The following TENM3 variants were observed in gnomAD, a reference collection of about 807,000 sequenced individuals.
The protein encoded by TENM3 is teneurin transmembrane protein 3.
Under a neutral mutation model 255.1 loss-of-function variants are expected in TENM3, and 63 were observed. That is an observed-to-expected ratio of 0.25 (90% confidence interval 0.20 to 0.30). TENM3 has a LOEUF of 0.30. Ranked by LOEUF, TENM3 falls within the 10% of genes least tolerant of loss-of-function variation. TENM3 has a pLI of 1.00. For missense variants in TENM3, 2,929 were observed against 3,461.1 expected (o/e 0.85, Z 3.86); for synonymous variants, 1,306 against 1,322.3 (o/e 0.99, Z 0.27).
chr4:182,432,544 G>A (rs1771738068), intron 3 of TENM3, among the ~76,000 whole-genome samples: 1 of 152,170 alleles, frequency 6.6e-6, no homozygotes, highest in South Asian at 2.1e-4. Context: ...TTCATACAGT[G>A]AATATATACA....
At chr4:182,550,247 T>C (rs2151928324) in intron 3 of TENM3, among the ~76,000 whole-genome samples, 1 of 152,356 alleles carries the variant, frequency 6.6e-6, no homozygotes, top group East Asian at 1.9e-4. Flanking sequence ...TACGTTGATT[T>C]ACAAATTTAA....
At chr4:182,086,102 T>TG in the TENM3 span, among the ~76,000 whole-genome samples, 1 of 152,152 alleles carries the variant, frequency 6.6e-6, no homozygotes, top group African/African-American at 2.4e-5. Flanking sequence ...TTGTTGGTTT[T>TG]GGGGGGACTA....
At chr4:182,632,661 T>G (rs1001432709) in intron 5 of TENM3, among the ~76,000 whole-genome samples, 2 of 152,168 alleles carry the variant, frequency 1.3e-5, no homozygotes, top group Admixed American at 1.3e-4. Context: ...TCACATGTTA[T>G]GTACTTCTCC....
chr4:182,630,310 T>C (rs114563134), intron 5 of TENM3, among the ~76,000 whole-genome samples: 1,796 of 152,252 alleles, frequency 0.012, 35 homozygotes, highest in African/African-American at 0.041. Flanking sequence ...AAAATCAATA[T>C]TCCAGAGACA....
intron 3 of TENM3, among the ~76,000 whole-genome samples, chr4:182,522,230 G>A (rs7655468): frequency 0.31 from 46,929 of 151,918 alleles, 7,592 homozygotes; most frequent in South Asian, 0.38. Context: ...AATATACAGT[G>A]AATTATTATT....
chr4:181,936,052 C>T, the TENM3 span, among the ~76,000 whole-genome samples: 5 of 152,178 alleles, frequency 3.3e-5, no homozygotes, highest in Non-Finnish European at 2.9e-5. Context: ...ATATTTATTA[C>T]GGGATTAATG....
intron 10 of TENM3, 48 bp from the exon 11 acceptor site, chr4:182,681,766 C>T: frequency 7.2e-7 from 1 of 1,393,740 alleles, no homozygotes; most frequent in Non-Finnish European, 9.9e-7. Context: ...TCTGCATGCA[C>T]TATGATATCT....
At chr4:181,786,966 T>C in the TENM3 span, among the ~76,000 whole-genome samples, 1 of 152,192 alleles carries the variant, frequency 6.6e-6, no homozygotes, top group African/African-American at 2.4e-5. Flanking sequence ...TCTCTAGGTA[T>C]TAAGGAATGT....
chr4:182,125,599 T>C, the TENM3 span, among the ~76,000 whole-genome samples: 7 of 152,230 alleles, frequency 4.6e-5, no homozygotes, highest in South Asian at 6.2e-4. Context: ...AAAACTTTCA[T>C]TGGATTTAAA....
In TENM3 at chr4:182,799,445, C is replaced by T. The variant is rs1766735526; in HGVS notation, c.7345-151C>T. Reference sequence around the variant, plus strand: ...TGAGGGGGAGGGATCTCGAGTGCTCCCTCCACCCGGGCTGTCAGCCTTCTG... The same window carrying T: ...TGAGGGGGAGGGATCTCGAGTGCTCTCTCCACCCGGGCTGTCAGCCTTCTG... On this transcript the variant is annotated intron_variant, in intron 27 of 27. Transcript: ENST00000511685. This position sits in a 1 kb window ranked among gnomAD's most constrained non-coding sequence, Gnocchi z 4.2. 5.1e-6 allele frequency: 5 copies of T among 972,156 alleles called. No individual in the cohort carries two copies. In the South Asian group the frequency reaches 5.5e-5, roughly 11 times the overall value. 60.2% of individuals were successfully genotyped at this position (972,156 alleles called of 1,614,324 possible).
the TENM3 span, among the ~76,000 whole-genome samples, chr4:181,667,991 G>T: frequency 6.6e-6 from 1 of 152,168 alleles, no homozygotes; most frequent in Admixed American, 6.5e-5. Flanking sequence ...TGACGAAATA[G>T]TTCTACTGAG....
At chr4:181,920,858 C>T in the TENM3 span, among the ~76,000 whole-genome samples, 26 of 151,914 alleles carry the variant, frequency 1.7e-4, no homozygotes, top group East Asian at 7.7e-4. Context: ...AGGGTTTTTA[C>T]GGTTTTAGGT....
At chr4:182,153,356 C>T (rs1029996254) in intron 1 of TENM3, among the ~76,000 whole-genome samples, 6 of 151,980 alleles carry the variant, frequency 3.9e-5, no homozygotes, top group Non-Finnish European at 7.4e-5. Context: ...ATGAATGATA[C>T]ATCTTTAGTC....
At chr4:182,738,273 G>T (rs1304518955) in intron 17 of TENM3, 128 bp from the exon 18 acceptor site, 2 of 723,824 alleles carry the variant, frequency 2.8e-6, no homozygotes, top group Non-Finnish European at 4.3e-6. Context: ...AAAATAAACT[G>T]CTCATAAATA....
At chr4:181,580,000 TTTTA>T in the TENM3 span, among the ~76,000 whole-genome samples, 2 of 127,518 alleles carry the variant, frequency 1.6e-5, no homozygotes, top group Non-Finnish European at 1.7e-5. Context: ...TTTTATTTTA[TTTTA>T]TTTATTTTTT....
the TENM3 span, among the ~76,000 whole-genome samples, chr4:181,970,429 A>G: frequency 6.6e-6 from 1 of 152,160 alleles, no homozygotes; most frequent in African/African-American, 2.4e-5. Context: ...TATCCCAACT[A>G]TCAAGATAAA....
chr4:181,514,904 G>C, the TENM3 span, among the ~76,000 whole-genome samples: 1 of 152,146 alleles, frequency 6.6e-6, no homozygotes, highest in Non-Finnish European at 1.5e-5. Flanking sequence ...CAACACCTTG[G>C]AACAGACTTG....
At chr4:182,486,313 T>TGG (rs1365628121) in intron 3 of TENM3, among the ~76,000 whole-genome samples, 1,365 of 12,072 alleles carry the variant, frequency 0.11, 11 homozygotes, top group Middle Eastern at 0.29. Flanking sequence ...TTTAATTGTG[T>TGG]GTGGGGGGGA....
chr4:181,693,034 G>C, the TENM3 span, among the ~76,000 whole-genome samples: 1 of 152,144 alleles, frequency 6.6e-6, no homozygotes, highest in Non-Finnish European at 1.5e-5. Flanking sequence ...CAGAGGAGTA[G>C]TCAAAGAGTC....
Sources: gnomAD v4.1 joint callset for allele counts (sites outside exome capture counted in the v4.1 genomes callset) on GRCh38, gnomAD v4.1.1 for gene constraint, Gnocchi (gnomAD v3.1) non-coding constraint, MANE v1.5 for transcripts, NCBI Gene and HGNC (gene_info 2026-07-23, HGNC 2026-07-21) for gene names.